LSM3: variants seen among roughly 807,000 people sequenced by gnomAD.
The protein encoded by LSM3 is U6 snRNA-associated Sm-like protein LSm3.
Under a neutral mutation model 15.4 loss-of-function variants are expected in LSM3, and 14 were observed. The ratio of observed to expected loss-of-function variants is 0.91; its 90% CI spans 0.60 to 1.42. LSM3 has a LOEUF of 1.42. Ranked by LOEUF, LSM3 falls within the 40% of genes most tolerant of loss-of-function variation. The pLI is 0.00. For missense variants in LSM3, 88 were observed against 127.9 expected, an observed-to-expected ratio of 0.69 and a Z score of 1.50; for synonymous variants, 46 against 45.1, an observed-to-expected ratio of 1.02 and a Z score of -0.08.
intron 3 of LSM3, among the ~76,000 whole-genome samples, chr3:14,184,270 G>C (rs1452884444): frequency 1.3e-5 from 2 of 152,166 alleles, no homozygotes; most frequent in African/African-American, 2.4e-5. Context: ...GTTCTCATTG[G>C]TGAGCAGGAA....
intron 3 of LSM3, among the ~76,000 whole-genome samples, chr3:14,192,765 A>G (rs866911413): frequency 3.9e-5 from 6 of 152,212 alleles, no homozygotes; most frequent in Non-Finnish European, 8.8e-5. Context: ...GGGGGCATTT[A>G]GCCCGTTTAC....
In LSM3 at chr3:14,200,137, C is replaced by T. The variant is rs1369259061; in HGVS notation, c.*2021C>T. 2 of 152,200 alleles carry T rather than the reference C, an allele frequency of 1.3e-5. No individual in the cohort carries two copies. Among genetic ancestry groups the T allele is most frequent in the South Asian group, 2.1e-4 (1 of 4,824 alleles). 9.4% of individuals were successfully genotyped at this position (152,200 alleles called of 1,614,324 possible). The stretch of plus-strand genomic sequence containing the variant: ...ATACACATTTCTAAAACCCATGAAC[C>T]TTAATATCTGACACTGTTACTCTCA... On this transcript the variant is annotated 3_prime_UTR_variant, in exon 4 of 4. Transcript: ENST00000306024.
intron 1 of LSM3, among the ~76,000 whole-genome samples, chr3:14,180,821 CTTTTTTTTTTT>C (rs1164090236): frequency 1.3e-3 from 61 of 46,764 alleles, no homozygotes; most frequent in Admixed American, 3.7e-3. Context: ...GCTTGCTTGC[CTTTTTTTTTTT>C]TTTTTTTTTT....
chr3:14,195,547 T>A (rs1269597284), intron 3 of LSM3, among the ~76,000 whole-genome samples: 1 of 152,218 alleles, frequency 6.6e-6, no homozygotes, highest in Non-Finnish European at 1.5e-5. Context: ...TCAGCTGTGT[T>A]AATAAAAAAT....
At chr3:14,191,226 A>T (rs992439610) in intron 3 of LSM3, among the ~76,000 whole-genome samples, 7 of 152,112 alleles carry the variant, frequency 4.6e-5, no homozygotes, top group Non-Finnish European at 1.0e-4. Context: ...TTCATCAGGG[A>T]TATTGGCCTG....
intron 3 of LSM3, among the ~76,000 whole-genome samples, chr3:14,184,682 G>A (rs886357799): frequency 2.0e-5 from 3 of 148,562 alleles, no homozygotes; most frequent in South Asian, 2.1e-4. Flanking sequence ...GCGTGAACCC[G>A]GGAGGCGGAG....
rs1301814555 is a variant in LSM3 at position 14,199,872 on chromosome 3, AAGGCCCTGGCTCTGGGC to A, written c.*1759_*1775del. 6.6e-6 allele frequency: 1 copy of A among 152,364 alleles called. No individual in the cohort carries two copies. The highest frequency in any genetic ancestry group is 1.5e-5 in the Non-Finnish European group (1 of 68,176). The allele number at this position is 152,364 out of a possible 1,614,324, so 9.4% of individuals were successfully genotyped here. ...GAGCCTGTGGTGTGGGTGTGGTACCAAGGCCCTGGCTCTGGGCAGTCTGTTGGCTCCTGGTGTTCACT... is the reference window on the plus strand; with the variant it reads ...GAGCCTGTGGTGTGGGTGTGGTACCAAGTCTGTTGGCTCCTGGTGTTCACT... On this transcript the variant is annotated 3_prime_UTR_variant, in exon 4 of 4. Transcript: ENST00000306024.
intron 3 of LSM3, among the ~76,000 whole-genome samples, chr3:14,186,460 T>A (rs1418109475): frequency 6.6e-6 from 1 of 152,230 alleles, no homozygotes; most frequent in African/African-American, 2.4e-5. Context: ...ACAGGCACGT[T>A]GTCACTGTTA....
In LSM3 at chr3:14,198,163, G is replaced by A; in HGVS notation, c.*47G>A. The A allele has an allele frequency of 1.4e-6, 2 of 1,394,282 alleles. No homozygotes were observed. The highest frequency in any genetic ancestry group is 1.0e-6 in the Non-Finnish European group (1 of 982,828). 86.4% of individuals were successfully genotyped at this position (1,394,282 alleles called of 1,614,324 possible). ...GGAAAACGGGAGACTTTGTACAGTG[G>A]CCTCTCTAAAAGTACAAAACATTCA... On this transcript the variant is annotated 3_prime_UTR_variant, in exon 4 of 4. Coordinates refer to ENST00000306024, the MANE Select transcript of LSM3 (RefSeq NM_014463.3).
intron 3 of LSM3, among the ~76,000 whole-genome samples, chr3:14,197,812 CAGG>C (rs1163366253): frequency 6.6e-6 from 1 of 152,104 alleles, no homozygotes; most frequent in African/African-American, 2.4e-5. Context: ...GCTGTGTGCC[CAGG>C]AGGAGAAGAG....
intron 3 of LSM3, among the ~76,000 whole-genome samples, chr3:14,184,562 G>A (rs1273655574): frequency 4.6e-5 from 7 of 150,682 alleles, no homozygotes; most frequent in African/African-American, 1.2e-4. Flanking sequence ...AGACCATCCC[G>A]GCTAAAAAAA....
At chr3:14,184,689 G>A (rs541797811) in intron 3 of LSM3, among the ~76,000 whole-genome samples, 17 of 150,200 alleles carry the variant, frequency 1.1e-4, no homozygotes, top group African/African-American at 1.7e-4. Context: ...CCCGGGAGGC[G>A]GAGCTTGCAG....
In LSM3 at chr3:14,181,591, T is replaced by G; in HGVS notation, c.53T>G (p.Leu18Arg). The G allele has an allele frequency of 1.2e-6, 2 of 1,613,824 alleles. No individual in the cohort carries two copies. Among genetic ancestry groups the G allele is most frequent in the Non-Finnish European group, 1.7e-6 (2 of 1,179,692 alleles). ...QQTTNTVEEP[L>R]DLIRLSLDER... ...ACTACCAACACTGTAGAGGAGCCCC[T>G]GGATCTTATCAGGCTCAGCCTAGAT... The change falls in exon 2 of 4, where the codon CTG becomes CGG. Residue 18 changes from leucine to arginine, a missense_variant. Coordinates refer to ENST00000306024, the MANE Select transcript of LSM3 (RefSeq NM_014463.3).
intron 3 of LSM3, among the ~76,000 whole-genome samples, chr3:14,191,306 T>TAA (rs2124825031): frequency 6.6e-6 from 1 of 152,296 alleles, no homozygotes; most frequent in Admixed American, 6.5e-5. Context: ...ATAAAATGAG[T>TAA]TAGGGAGGAT....
intron 2 of LSM3, among the ~76,000 whole-genome samples, chr3:14,183,139 T>A (rs1697055698): frequency 6.6e-6 from 1 of 152,216 alleles, no homozygotes. Flanking sequence ...TTTCTGTTTG[T>A]TTTGTGCCTC....
Position 14,192,679 on chromosome 3 carries a change from G to T in LSM3, c.229-5357G>T, listed in dbSNP as rs1697151313. ...TTTGTGCCTATGTGTGTGTTTGCAT[G>T]TGAGATGGGTCTCCTGAATACAGCA... On this transcript the variant is annotated intron_variant, in intron 3 of 3. Coordinates refer to ENST00000306024, the MANE Select transcript of LSM3 (RefSeq NM_014463.3). Among the ~76,000 whole-genome samples the T allele has an allele frequency of 2.0e-5, 3 of 152,298 alleles. No individual in the cohort carries two copies. In the South Asian group the frequency reaches 6.2e-4, roughly 32 times the overall value.
chr3:14,188,289 T>A (rs149137560), intron 3 of LSM3, among the ~76,000 whole-genome samples: 220 of 152,300 alleles, frequency 1.4e-3, no homozygotes, highest in African/African-American at 5.1e-3. Context: ...TTAGAGCAGC[T>A]CTAGACCTGC....
In LSM3 at chr3:14,180,914, G is replaced by T. The variant is rs997492998; in HGVS notation, c.22-646G>T. On this transcript the variant is annotated intron_variant, in intron 1 of 3. Coordinates refer to ENST00000306024, the MANE Select transcript of LSM3 (RefSeq NM_014463.3). ...TGCCCAAGCTGGAGTGCAGTGGCAC[G>T]ATCTTGGCTCACTGCAACCTCCACC... 2.2e-5 allele frequency among the ~76,000 whole-genome samples: 3 copies of T among 133,614 alleles called. No homozygotes were observed. In the East Asian group the frequency reaches 7.1e-4, roughly 31 times the overall value. The allele number at this position is 133,614 out of a possible 152,430, so 87.7% of individuals were successfully genotyped here.
At chr3:14,189,936 ACATT>A (rs1343918582) in intron 3 of LSM3, among the ~76,000 whole-genome samples, 3 of 152,198 alleles carry the variant, frequency 2.0e-5, no homozygotes, top group Non-Finnish European at 2.9e-5. Flanking sequence ...CCTAGGTCTT[ACATT>A]TAAGTCTTTG....
Sources: gnomAD v4.1 joint callset for allele counts (sites outside exome capture counted in the v4.1 genomes callset) on GRCh38, gnomAD v4.1.1 for gene constraint, MANE v1.5 for transcripts, NCBI Gene and HGNC (gene_info 2026-07-23, HGNC 2026-07-21) for gene names.